The following HTRA2 variants were observed in gnomAD, a reference collection of about 807,000 sequenced individuals.
The protein encoded by HTRA2 is serine protease HTRA2, mitochondrial.
A neutral mutation model predicts 42.2 loss-of-function variants in HTRA2; 24 were observed. The observed-to-expected ratio is 0.57, with a 90% CI of 0.41 to 0.80. The LOEUF (loss-of-function observed/expected upper bound fraction) is 0.80, where lower values mean the gene tolerates loss of function less well. Among genes scored for constraint, HTRA2 ranks in the 30% least tolerant of loss-of-function variants. The probability of loss-of-function intolerance (pLI) is 0.00; values close to 1 mark genes in which losing one functional copy is unlikely to be tolerated. For missense variants in HTRA2, 466 were observed against 613.5 expected (o/e 0.76, Z 2.54); for synonymous variants, 245 against 255.8 (o/e 0.96, Z 0.40).
rs542914889 is a variant in HTRA2 at position 74,531,217 on chromosome 2, A to G, written c.906+112A>G. The G allele has an allele frequency of 8.5e-5, 132 of 1,547,986 alleles. 3 individuals carry two copies. The South Asian group carries it at 1.2e-3, about 15-fold the overall frequency. On this transcript the variant is annotated intron_variant, in intron 3 of 7. Transcript: ENST00000258080. ...GAGCCTATATAGAGCTTAGGCTGCA[A>G]AAATGTGGCCACTTATTCATGGGCT...
chr2:74,532,164 A>C (rs1259611361), intron 6 of HTRA2, among the ~76,000 whole-genome samples: 1 of 152,146 alleles, frequency 6.6e-6, no homozygotes, highest in African/African-American at 2.4e-5. Flanking sequence ...CAATCCATTA[A>C]CTTGGCATTT....
chr2:74,531,692 G>A lies in HTRA2; in HGVS notation c.1035G>A (p.Gly345=). Residue 345 remains glycine (G), a synonymous_variant, in exon 5 of 8, where the codon GGG becomes GGA. Transcript: ENST00000258080. ...GTCTTCGAGAGTTTCTGCATCGTGGGGAAAAGAAGAGTGAGCCTGCCTTAT... is the reference window on the plus strand; with the variant it reads ...GTCTTCGAGAGTTTCTGCATCGTGGAGAAAAGAAGAGTGAGCCTGCCTTAT... ...SDRLREFLHR[G]EKKNSSSGIS... 1 of 1,614,056 alleles carries A rather than the reference G, an allele frequency of 6.2e-7. No homozygotes were observed. Among genetic ancestry groups the A allele is most frequent in the South Asian group, 1.1e-5 (1 of 91,072 alleles).
Position 74,532,332 on chromosome 2 carries a change from C to T in HTRA2, c.1116-287C>T, listed in dbSNP as rs1359125837. On this transcript the variant is annotated intron_variant, in intron 6 of 7. Coordinates refer to ENST00000258080, the MANE Select transcript of HTRA2 (RefSeq NM_013247.5). ...AATATCAGATCCATCCTTTTAGGCT[C>T]AACTTAAGTTCTTTCCCCTTAAAGC... 1.8e-5 allele frequency: 9 copies of T among 490,090 alleles called. No homozygotes were observed. In the East Asian group the frequency reaches 3.2e-4, roughly 17 times the overall value. The allele number at this position is 490,090 out of a possible 1,614,324, so 30.4% of individuals were successfully genotyped here.
At chr2:74,529,741 C>G, upstream of HTRA2, 1 of 1,513,802 alleles carries the variant, frequency 6.6e-7, no homozygotes, top group Non-Finnish European at 8.8e-7. Context: ...GTGAGGGGAC[C>G]CGAAGTCCTG....
chr2:74,531,389 C>T lies in HTRA2; in HGVS notation c.939+18C>T. 1 of 1,613,816 alleles carries T rather than the reference C, an allele frequency of 6.2e-7. No individual in the cohort carries two copies. Among genetic ancestry groups the T allele is most frequent in the Non-Finnish European group, 8.5e-7 (1 of 1,179,690 alleles). Reference sequence around the variant, plus strand: ...TTAACCTGGTGAGTGAGACATCCTTCCTTCCAAGAATCCCTGCCCCAGGTC... The same window carrying T: ...TTAACCTGGTGAGTGAGACATCCTTTCTTCCAAGAATCCCTGCCCCAGGTC... On this transcript the variant is annotated intron_variant, in intron 4 of 7. Transcript: ENST00000258080.
At chr2:74,532,277 T>C (rs939647484) in intron 6 of HTRA2, 8 of 479,104 alleles carry the variant, frequency 1.7e-5, no homozygotes, top group Non-Finnish European at 2.7e-5. Flanking sequence ...CCCATGTTTT[T>C]TATTTATGCT....
Position 74,532,035 on chromosome 2 carries a change from C to G in HTRA2, c.1115+110C>G, listed in dbSNP as rs1402166345. ...TCTTTATCTAAGATGAACTGTGTCA[C>G]ACTTGAAATAATCACAAGAGCTGTC... On this transcript the variant is annotated intron_variant, in intron 6 of 7. Transcript: ENST00000258080. 3 of 1,044,876 alleles carry G rather than the reference C, an allele frequency of 2.9e-6. No homozygotes were observed. In the East Asian group the frequency reaches 7.6e-5, roughly 26 times the overall value. 64.7% of individuals were successfully genotyped at this position (1,044,876 alleles called of 1,614,324 possible).
In HTRA2 at chr2:74,530,379, G is replaced by A. The variant is rs1432255566; in HGVS notation, c.373G>A (p.Gly125Ser). 1.3e-6 allele frequency: 2 copies of A among 1,592,332 alleles called. No homozygotes were observed. The highest frequency in any genetic ancestry group is 1.3e-5 in the African/African-American group (1 of 74,448). Residue 125 changes from glycine (G) to serine (S), a missense_variant, in exon 1 of 8, where the codon GGT (glycine) becomes AGT (serine). Gly to Ser is a moderately conservative substitution (Grantham distance 56). This residue lies in a region of HTRA2 where 222 missense variants were observed against 205.1 expected (regional missense o/e 1.08). Transcript: ENST00000258080. The surrounding 1 kb of genome is among the most constrained non-coding windows in gnomAD (Gnocchi z 7.4). ...GAVLLLLWGG[G>S]RGPPAVLAAV... ...AGTGCTGTTGTTGTTGTGGGGCGGG[G>A]GTCGGGGTCCTCCGGCCGTCCTCGC...
Position 74,530,173 on chromosome 2 carries a change from GTC to G in HTRA2, c.171_172del (p.Trp58GlyfsTer9). 6.2e-7 allele frequency: 1 copy of G among 1,612,238 alleles called. No homozygotes were observed. The highest frequency in any genetic ancestry group is 8.5e-7 in the Non-Finnish European group (1 of 1,179,474). On this transcript the variant is annotated frameshift_variant, in exon 1 of 8. Coordinates refer to ENST00000258080, the MANE Select transcript of HTRA2 (RefSeq NM_013247.5). LOFTEE classifies it high-confidence loss of function. This position sits in a 1 kb window ranked among gnomAD's most constrained non-coding sequence, Gnocchi z 7.4. ...GCCCGAGTGACTTATGGGACCCCCA[GTC>G]TCTGGGCCCGGTTGTCTGTTGGGGT... is the stretch of plus-strand genomic sequence containing the variant.
At chr2:74,531,138 TG>T in intron 3 of HTRA2, 33 bp downstream of exon 3, 2 of 1,607,882 alleles carry the variant, frequency 1.2e-6, no homozygotes, top group South Asian at 1.1e-5. Context: ...TGACAAATGA[TG>T]GGGGAGGGGG....
rs1675735096 is a variant in HTRA2, at chr2:74,532,994, C to T, written c.*9C>T. Reference sequence around the variant, plus strand: ...CTGAGGTCACAGAATGAATAGATCACCAAGAGTATGAGGCTCCTGCTCTGA... The same window carrying T: ...CTGAGGTCACAGAATGAATAGATCATCAAGAGTATGAGGCTCCTGCTCTGA... On this transcript the variant is annotated 3_prime_UTR_variant, in exon 8 of 8. Coordinates refer to ENST00000258080, the MANE Select transcript of HTRA2 (RefSeq NM_013247.5). 2 of 1,613,110 alleles carry T rather than the reference C, an allele frequency of 1.2e-6. No individual in the cohort carries two copies. Among genetic ancestry groups the T allele is most frequent in the South Asian group, 2.2e-5 (2 of 91,004 alleles).
Position 74,531,696 on chromosome 2 carries a change from A to G in HTRA2, c.1039A>G (p.Lys347Glu). The change falls in exon 5 of 8, where the codon AAG becomes GAG. Residue 347 changes from lysine (K) to glutamate (E), a missense_variant. Around this residue, in one of 3 missense-constraint regions of HTRA2, gnomAD observed 129 missense variants for 163.1 expected, o/e 0.79. Transcript: ENST00000258080. ...TCGAGAGTTTCTGCATCGTGGGGAA[A>G]AGAAGAGTGAGCCTGCCTTATGGGG... Reference protein sequence around the residue: ...RLREFLHRGEKKNSSSGISGS... With the variant: ...RLREFLHRGEEKNSSSGISGS... The G allele has an allele frequency of 1.2e-6, 2 of 1,614,046 alleles. No individual in the cohort carries two copies. Among genetic ancestry groups the G allele is most frequent in the South Asian group, 1.1e-5 (1 of 91,078 alleles).
intron 5 of HTRA2, 66 bp from the exon 6 acceptor site, chr2:74,531,790 A>C: frequency 6.2e-6 from 10 of 1,611,910 alleles, no homozygotes; most frequent in Non-Finnish European, 8.5e-6. Flanking sequence ...AGGGTGGTCT[A>C]CTGGGAGAAG....
upstream of HTRA2, chr2:74,529,733 G>A (rs1308922653): frequency 6.6e-7 from 1 of 1,520,116 alleles, no homozygotes; most frequent in Non-Finnish European, 8.8e-7. Context: ...CGCCCGGGGT[G>A]AGGGGACCCG....
At position 74,531,889 on chromosome 2, in the gene HTRA2, G is replaced by A. The variant is rs1475151932; in HGVS notation, c.1079G>A (p.Arg360His). ...TCCGGAATCAGTGGGTCCCAGCGGC[G>A]CTACATTGGGGTGATGATGCTGACC... ...SSSGISGSQR[R>H]YIGVMMLTLS... Residue 360 changes from arginine to histidine, a missense_variant, in exon 6 of 8, where the codon CGC (arginine) becomes CAC (histidine). Physicochemically the swap from Arg to His is conservative, Grantham distance 29. Transcript: ENST00000258080. The A allele has an allele frequency of 6.2e-7, 1 of 1,614,080 alleles. No homozygotes were observed. Among genetic ancestry groups the A allele is most frequent in the Non-Finnish European group, 8.5e-7 (1 of 1,180,020 alleles).
At chr2:74,532,236 T>C (rs1558613131) in intron 6 of HTRA2, among the ~76,000 whole-genome samples, 1 of 152,244 alleles carries the variant, frequency 6.6e-6, no homozygotes. Context: ...TACCTTCCTA[T>C]ATGAATACTC....
chr2:74,529,898 T>A, upstream of HTRA2: 1 of 1,456,048 alleles, frequency 6.9e-7, no homozygotes, highest in Non-Finnish European at 9.0e-7. Context: ...GGCGTGCACT[T>A]CTGAAGGACT....
Position 74,533,016 on chromosome 2 carries a change from C to A in HTRA2, c.*31C>A. The A allele has an allele frequency of 6.2e-7, 1 of 1,608,482 alleles. No homozygotes were observed. The highest frequency in any genetic ancestry group is 8.5e-7 in the Non-Finnish European group (1 of 1,175,778). On this transcript the variant is annotated 3_prime_UTR_variant, in exon 8 of 8. Coordinates refer to ENST00000258080, the MANE Select transcript of HTRA2 (RefSeq NM_013247.5). ...TCACCAAGAGTATGAGGCTCCTGCT[C>A]TGATTTCCTCCTTGCCTTTCTGGCT...
rs1675520790 is a variant in HTRA2, at chr2:74,530,577, GT to G, written c.507-39del. 1 of 1,613,704 alleles carries G rather than the reference GT, an allele frequency of 6.2e-7. No homozygotes were observed. Among genetic ancestry groups the G allele is most frequent in the Non-Finnish European group, 8.5e-7 (1 of 1,179,940 alleles). Reference sequence around the variant, plus strand: ...GCTGGAGGGCGGGCGGGTAGGAGGGGTCAGAGCCTCCTCTTATCTGTGCTTT... The same window carrying G: ...GCTGGAGGGCGGGCGGGTAGGAGGGGCAGAGCCTCCTCTTATCTGTGCTTT... On this transcript the variant is annotated intron_variant, in intron 1 of 7. Transcript: ENST00000258080. The surrounding 1 kb of genome is among the most constrained non-coding windows in gnomAD (Gnocchi z 7.4).
Sources: allele counts gnomAD v4.1 joint callset (sites outside exome capture counted in the v4.1 genomes callset), GRCh38; gene constraint gnomAD v4.1.1; regional missense constraint gnomAD v4.1.1; non-coding constraint Gnocchi (gnomAD v3.1); transcripts MANE v1.5; gene names NCBI Gene and HGNC (gene_info 2026-07-23, HGNC 2026-07-21).